GRK3: variants seen among roughly 807,000 people sequenced by gnomAD.
The protein encoded by GRK3 is G protein-coupled receptor kinase 3.
In GRK3, 54 loss-of-function variants were observed where a neutral mutation model predicts 95.7. The ratio of observed to expected loss-of-function variants is 0.56; its 90% CI spans 0.45 to 0.71. The LOEUF (loss-of-function observed/expected upper bound fraction) is 0.71, where lower values mean the gene tolerates loss of function less well. Ranked by LOEUF, GRK3 falls within the 30% of genes least tolerant of loss-of-function variation. The probability of loss-of-function intolerance (pLI) is 0.00; values close to 1 mark genes in which losing one functional copy is unlikely to be tolerated. For missense variants in GRK3, 649 were observed against 851.2 expected (o/e 0.76, Z 2.96); for synonymous variants, 281 against 290.8 (o/e 0.97, Z 0.34).
At chr22:25,595,111 A>G (rs2084363556) in intron 1 of GRK3, among the ~76,000 whole-genome samples, 1 of 152,232 alleles carries the variant, frequency 6.6e-6, no homozygotes, top group Admixed American at 6.5e-5. Flanking sequence ...GAACTGGAAC[A>G]GACAAGGATT....
chr22:25,691,796 T>C (rs747668915), intron 12 of GRK3, among the ~76,000 whole-genome samples: 3 of 152,224 alleles, frequency 2.0e-5, no homozygotes, highest in Non-Finnish European at 2.9e-5. Context: ...CACTTTTTGC[T>C]ATAATTCACA....
At chr22:25,614,943 G>A (rs2084526861) in intron 2 of GRK3, among the ~76,000 whole-genome samples, 1 of 152,132 alleles carries the variant, frequency 6.6e-6, no homozygotes, top group Admixed American at 6.6e-5. Context: ...AGCTCACCCT[G>A]CAAAAGATGG....
At chr22:25,678,693 A>G (rs2085051601) in intron 8 of GRK3, 123 bp from the exon 9 acceptor site, 1 of 503,318 alleles carries the variant, frequency 2.0e-6, no homozygotes, top group Non-Finnish European at 3.5e-6. Context: ...GCGCTTGGGT[A>G]TTACTCTGCT....
intron 2 of GRK3, among the ~76,000 whole-genome samples, chr22:25,618,322 T>C (rs2084555351): frequency 6.6e-6 from 1 of 152,246 alleles, no homozygotes; most frequent in South Asian, 2.1e-4. Context: ...GGAGTTGACT[T>C]ATTTATATCA....
At chr22:25,705,972 G>C (rs1320701458) in intron 15 of GRK3, among the ~76,000 whole-genome samples, 1 of 152,130 alleles carries the variant, frequency 6.6e-6, no homozygotes, top group South Asian at 2.1e-4. Context: ...TCGGAGACTC[G>C]TGTTCTTCAG....
At chr22:25,686,737 T>C (rs1051119495) in intron 10 of GRK3, among the ~76,000 whole-genome samples, 1 of 152,208 alleles carries the variant, frequency 6.6e-6, no homozygotes, top group Non-Finnish European at 1.5e-5. Context: ...TTGAAAGAAT[T>C]TTCCTGGGGA....
intron 1 of GRK3, among the ~76,000 whole-genome samples, chr22:25,591,867 G>C (rs1932504262): frequency 6.6e-6 from 1 of 152,088 alleles, no homozygotes; most frequent in Non-Finnish European, 1.5e-5. Context: ...ATAGTGATAT[G>C]CATATTTACT....
intron 3 of GRK3, among the ~76,000 whole-genome samples, chr22:25,647,020 CAAAAAAAAAAAAAAAAA>C (rs1025786169): frequency 1.9e-5 from 1 of 54,018 alleles, no homozygotes; most frequent in South Asian, 6.7e-4. Flanking sequence ...GACTTTGTCT[CAAAAAAAAAAAAAAAAA>C]AAAAAAGAAA....
chr22:25,723,153 T>G lies in GRK3; in HGVS notation c.*703T>G, dbSNP rs2085447381. 1 of 152,196 alleles carries G rather than the reference T, an allele frequency of 6.6e-6. No homozygotes were observed. The highest frequency in any genetic ancestry group is 1.5e-5 in the Non-Finnish European group (1 of 68,096). 9.4% of individuals were successfully genotyped at this position (152,196 alleles called of 1,614,324 possible). A position where few individuals can be genotyped will look rare whatever the true frequency, so the allele number is the denominator to read the frequency against. On this transcript the variant is annotated 3_prime_UTR_variant, in exon 21 of 21. Coordinates refer to ENST00000324198, the MANE Select transcript of GRK3 (RefSeq NM_005160.4). ...CGTCCATCATTGGAAAGATTTACAG[T>G]GATTCTGAAGGACAGGCCGTGGAGT...
intron 9 of GRK3, among the ~76,000 whole-genome samples, chr22:25,680,879 CA>C (rs1352971588): frequency 6.6e-6 from 1 of 151,826 alleles, no homozygotes; most frequent in Non-Finnish European, 1.5e-5. Flanking sequence ...ACTGTATCGG[CA>C]GGCTTTCCCG....
chr22:25,580,303 A>G (rs1019660265), intron 1 of GRK3: 3 of 151,986 alleles, frequency 2.0e-5, no homozygotes, highest in Admixed American at 6.6e-5. Flanking sequence ...GCGCTATCAG[A>G]TGAATGTGTG....
chr22:25,667,656 G>A, intron 5 of GRK3, 83 bp from the exon 6 acceptor site: 1 of 971,858 alleles, frequency 1.0e-6, no homozygotes, highest in South Asian at 1.4e-5. Context: ...TGGGAACTTC[G>A]CTTAACCTGA....
At chr22:25,612,949 C>A (rs529356077) in intron 2 of GRK3, among the ~76,000 whole-genome samples, 438 of 151,576 alleles carry the variant, frequency 2.9e-3, no homozygotes, top group African/African-American at 9.7e-3. Flanking sequence ...TTAAAAAAAA[C>A]CCCAAAATAC....
chr22:25,725,539 T>C lies in GRK3; in HGVS notation c.*3089T>C. ...TTTCCTTCTTTGTCATATTTAAGTATGATTTTTCAACAAAACTTCTAGAAG... is the reference window on the plus strand; with the variant it reads ...TTTCCTTCTTTGTCATATTTAAGTACGATTTTTCAACAAAACTTCTAGAAG... On this transcript the variant is annotated 3_prime_UTR_variant, in exon 21 of 21. Coordinates refer to ENST00000324198, the MANE Select transcript of GRK3 (RefSeq NM_005160.4). The C allele has an allele frequency of 2.5e-6, 1 of 398,638 alleles. No homozygotes were observed. Among genetic ancestry groups the C allele is most frequent in the Non-Finnish European group, 4.4e-6 (1 of 226,076 alleles). 24.7% of individuals were successfully genotyped at this position (398,638 alleles called of 1,614,324 possible). A position where few individuals can be genotyped will look rare whatever the true frequency, so the allele number is the denominator to read the frequency against.
intron 1 of GRK3, among the ~76,000 whole-genome samples, chr22:25,579,823 C>T (rs1056064447): frequency 2.0e-5 from 3 of 151,084 alleles, no homozygotes; most frequent in Admixed American, 6.6e-5. Flanking sequence ...GAAGGAATGG[C>T]GAAATTTTAA....
intron 3 of GRK3, chr22:25,648,212 G>T: frequency 1.3e-6 from 1 of 759,576 alleles, no homozygotes; most frequent in Non-Finnish European, 2.4e-6. Flanking sequence ...ATTGGGATGA[G>T]GTAAGGGGTG....
intron 18 of GRK3, among the ~76,000 whole-genome samples, chr22:25,716,771 T>C (rs1020497161): frequency 4.0e-5 from 6 of 149,602 alleles, no homozygotes; most frequent in African/African-American, 1.5e-4. Flanking sequence ...ACAGCAGGGG[T>C]TCCCAACCCC....
At chr22:25,672,612 A>T (rs2084991954) in intron 7 of GRK3, among the ~76,000 whole-genome samples, 1 of 152,240 alleles carries the variant, frequency 6.6e-6, no homozygotes, top group African/African-American at 2.4e-5. Context: ...TAACAAAAAT[A>T]GTAGTAAAAA....
At chr22:25,578,993 C>T (rs993624247) in intron 1 of GRK3, among the ~76,000 whole-genome samples, 1 of 151,978 alleles carries the variant, frequency 6.6e-6, no homozygotes, top group African/African-American at 2.4e-5. Flanking sequence ...AAGAGAACAC[C>T]TCATTGATCA....
Sources: gnomAD v4.1 joint callset for allele counts (sites outside exome capture counted in the v4.1 genomes callset) on GRCh38, gnomAD v4.1.1 for gene constraint, MANE v1.5 for transcripts, NCBI Gene and HGNC (gene_info 2026-07-23, HGNC 2026-07-21) for gene names.